TOX3: variants seen among roughly 807,000 people sequenced by gnomAD.
TOX3 encodes the protein CAG trinucleotide repeat-containing gene F9 protein.
In TOX3, 22 loss-of-function variants were observed where a neutral mutation model predicts 64.3. That is an observed-to-expected ratio of 0.34 (90% CI 0.24 to 0.49). The LOEUF is 0.49. TOX3 is among the 20% of genes least tolerant of loss of function. The pLI is 0.99. For synonymous variants in TOX3, 291 were observed against 273.6 expected (o/e 1.06, Z -0.63); for missense variants, 661 against 714.4 (o/e 0.93, Z 0.85).
At chr16:52,465,002 A>ATTT (rs1340719697) in intron 2 of TOX3, among the ~76,000 whole-genome samples, 11 of 60,976 alleles carry the variant, frequency 1.8e-4, no homozygotes, top group African/African-American at 6.8e-4. Context: ...GTCTTAATGC[A>ATTT]TTCTTTTTTT....
intron 1 of TOX3, among the ~76,000 whole-genome samples, chr16:52,506,113 G>A (rs963190197): frequency 9.9e-5 from 15 of 152,202 alleles, no homozygotes; most frequent in African/African-American, 3.1e-4. Flanking sequence ...AAGAGCCGTC[G>A]TGTTAAATGC....
chr16:52,533,523 G>A (rs999564646), intron 1 of TOX3, among the ~76,000 whole-genome samples: 5 of 152,136 alleles, frequency 3.3e-5, no homozygotes, highest in African/African-American at 1.2e-4. Flanking sequence ...GTTCAACAGA[G>A]AGCAGAGCCT....
chr16:52,492,573 A>ATATATATATATG (rs1961723608), intron 1 of TOX3, among the ~76,000 whole-genome samples: 1 of 134,748 alleles, frequency 7.4e-6, no homozygotes, highest in Non-Finnish European at 1.6e-5. Context: ...AAATATATAT[A>ATATATATATATG]TATATATATA....
intron 1 of TOX3, among the ~76,000 whole-genome samples, chr16:52,540,041 C>T (rs576320270): frequency 6.6e-6 from 1 of 152,110 alleles, no homozygotes; most frequent in African/African-American, 2.4e-5. Flanking sequence ...AAGGTCAGAT[C>T]AATCTTTACA....
Position 52,438,922 on chromosome 16 carries a change from C to G in TOX3, c.*303G>C. ...GGCCAGTTTATAGTCATCAGTATGT[C>G]CCAGGATTCATTAAACAGTTTGATT... On this transcript the variant is annotated 3_prime_UTR_variant, in exon 7 of 7. Coordinates refer to ENST00000219746, the MANE Select transcript of TOX3 (RefSeq NM_001080430.4). 1 of 556,336 alleles carries G rather than the reference C, an allele frequency of 1.8e-6. No individual in the cohort carries two copies. Among genetic ancestry groups the G allele is most frequent in the South Asian group, 1.4e-5 (1 of 71,804 alleles). The allele number at this position is 556,336 out of a possible 1,614,324, so 34.5% of individuals were successfully genotyped here. A position where few individuals can be genotyped will look rare whatever the true frequency, so the allele number is the denominator to read the frequency against.
At position 52,438,098 on chromosome 16, in the gene TOX3, T is replaced by C. The variant is rs1324893325; in HGVS notation, c.*1127A>G. The stretch of plus-strand genomic sequence containing the variant: ...ACAGTTTTTACTGAAATGTGTTTAT[T>C]CTATAGCAAGATAAAAGCATTTTTG... On this transcript the variant is annotated 3_prime_UTR_variant, in exon 7 of 7. Coordinates refer to ENST00000219746, the MANE Select transcript of TOX3 (RefSeq NM_001080430.4). 6.5e-6 allele frequency: 1 copy of C among 152,682 alleles called. No individual in the cohort carries two copies. Among genetic ancestry groups the C allele is most frequent in the African/African-American group, 2.4e-5 (1 of 41,472 alleles). The allele number at this position is 152,682 out of a possible 1,614,324, so 9.5% of individuals were successfully genotyped here. A position where few individuals can be genotyped will look rare whatever the true frequency, so the allele number is the denominator to read the frequency against.
At chr16:52,522,560 G>A (rs1962634003) in intron 1 of TOX3, among the ~76,000 whole-genome samples, 1 of 152,158 alleles carries the variant, frequency 6.6e-6, no homozygotes, top group Non-Finnish European at 1.5e-5. Flanking sequence ...CTATGACACA[G>A]GGGTTTGTGA....
intron 3 of TOX3, among the ~76,000 whole-genome samples, chr16:52,458,202 A>G (rs567670656): frequency 2.0e-5 from 3 of 152,282 alleles, no homozygotes; most frequent in Admixed American, 2.0e-4. Context: ...ATTAATTTAT[A>G]TATTGAACAA....
chr16:52,512,493 T>C (rs1295137089), intron 1 of TOX3, among the ~76,000 whole-genome samples: 2 of 152,240 alleles, frequency 1.3e-5, no homozygotes, highest in Admixed American at 1.3e-4. Context: ...GCCATATTCA[T>C]GATCCCATGC....
chr16:52,519,014 GC>G, intron 1 of TOX3, among the ~76,000 whole-genome samples: 1 of 152,324 alleles, frequency 6.6e-6, no homozygotes, highest in East Asian at 1.9e-4. Flanking sequence ...GATACAGGTA[GC>G]AAAATGTCAG....
At chr16:52,519,331 A>T in intron 1 of TOX3, 1 of 1,406,100 alleles carries the variant, frequency 7.1e-7, no homozygotes, top group Non-Finnish European at 9.6e-7. Context: ...CATTCATCAG[A>T]CAAACTGATA....
chr16:52,542,196 G>T (rs1963089244), intron 1 of TOX3, among the ~76,000 whole-genome samples: 1 of 152,168 alleles, frequency 6.6e-6, no homozygotes, highest in Admixed American at 6.5e-5. Flanking sequence ...TCTGTGGTAA[G>T]TCTGGTCTTC....
At chr16:52,479,118 C>A (rs1169719096) in intron 1 of TOX3, among the ~76,000 whole-genome samples, 1 of 152,114 alleles carries the variant, frequency 6.6e-6, no homozygotes, top group Non-Finnish European at 1.5e-5. Flanking sequence ...TTGAAGTACT[C>A]CCCCTTGAAA....
chr16:52,498,781 C>CCGTGCAT (rs1467512717), intron 1 of TOX3, among the ~76,000 whole-genome samples: 2 of 152,208 alleles, frequency 1.3e-5, no homozygotes, highest in Non-Finnish European at 2.9e-5. Context: ...TCCTGCTTCC[C>CCGTGCAT]CGTGCATCGC....
chr16:52,504,121 AT>A (rs1962084784), intron 1 of TOX3, among the ~76,000 whole-genome samples: 1 of 152,156 alleles, frequency 6.6e-6, no homozygotes, highest in Admixed American at 6.5e-5. Context: ...TTGAGCAACA[AT>A]TTCTGTGTTG....
rs57164139 is a variant in TOX3 at position 52,536,627 on chromosome 16, CTATATATATATATATATATATATATATA to C, written c.87+9982_87+10009del. Among the ~76,000 whole-genome samples the C allele has an allele frequency of 1.9e-3, 65 of 34,260 alleles. 1 individual carries two copies. The highest frequency in any genetic ancestry group is 3.9e-3 in the Admixed American group (10 of 2,566). 22.5% of individuals were successfully genotyped at this position (34,260 alleles called of 152,430 possible). A position where few individuals can be genotyped will look rare whatever the true frequency, so the allele number is the denominator to read the frequency against. On this transcript the variant is annotated intron_variant, in intron 1 of 6. Transcript: ENST00000219746. The stretch of plus-strand genomic sequence containing the variant: ...TCTTTTCTACTGAAATAGATATACA[CTATATATATATATATATATATATATATA>C]TATATATATATATATATATATACAT...
intron 1 of TOX3, among the ~76,000 whole-genome samples, chr16:52,481,931 A>G (rs1961381691): frequency 1.3e-5 from 2 of 152,204 alleles, no homozygotes; most frequent in Admixed American, 1.3e-4. Flanking sequence ...CCCACTTCCG[A>G]CGAGGTCTTA....
chr16:52,542,433 G>A (rs1963093848), intron 1 of TOX3, among the ~76,000 whole-genome samples: 1 of 152,120 alleles, frequency 6.6e-6, no homozygotes, highest in African/African-American at 2.4e-5. Flanking sequence ...ATTATTTTTT[G>A]TTAATTTATT....
At chr16:52,494,724 G>A (rs578021077) in intron 1 of TOX3, among the ~76,000 whole-genome samples, 2 of 152,000 alleles carry the variant, frequency 1.3e-5, no homozygotes, top group Non-Finnish European at 2.9e-5. Flanking sequence ...TGGTTACATC[G>A]CCCATTCAGC....
Sources: gnomAD v4.1 joint callset for allele counts (sites outside exome capture counted in the v4.1 genomes callset) on GRCh38, gnomAD v4.1.1 for gene constraint, MANE v1.5 for transcripts, NCBI Gene and HGNC (gene_info 2026-07-23, HGNC 2026-07-21) for gene names.